KCND2: variants seen among roughly 807,000 people sequenced by gnomAD.
The protein encoded by KCND2 is A-type voltage-gated potassium channel KCND2.
In KCND2, 16 loss-of-function variants were observed where a neutral mutation model predicts 54.4. The ratio of observed to expected loss-of-function variants is 0.29; its 90% confidence interval spans 0.20 to 0.45. KCND2 has a LOEUF of 0.45. KCND2 is among the 20% of genes least tolerant of loss of function. KCND2 has a pLI of 1.00. For missense variants in KCND2, 486 were observed against 824.2 expected (o/e 0.59, Z 5.02); for synonymous variants, 317 against 310.7 (o/e 1.02, Z -0.21).
In KCND2 at chr7:120,275,080, G is replaced by A. The variant is rs2116243004; in HGVS notation, c.448G>A (p.Asp150Asn). The A allele has an allele frequency of 6.2e-7, 1 of 1,613,854 alleles. No homozygotes were observed. Among genetic ancestry groups the A allele is most frequent in the Non-Finnish European group, 8.5e-7 (1 of 1,179,984 alleles). ...GCGAGAGAACGCCGAGCGCCTGCAG[G>A]ACGACGCGGATACCGACACCGCTGG... is the stretch of plus-strand genomic sequence containing the variant. ...RRRENAERLQ[D>N]DADTDTAGES... The change falls in exon 1 of 6, where the codon GAC becomes AAC. Residue 150 changes from aspartate (D) to asparagine (N), a missense_variant. Asp to Asn is a conservative substitution (Grantham distance 23). Coordinates refer to ENST00000331113, the MANE Select transcript of KCND2 (RefSeq NM_012281.3).
chr7:120,722,946 A>C (rs1259000924), intron 1 of KCND2, among the ~76,000 whole-genome samples: 2 of 152,168 alleles, frequency 1.3e-5, no homozygotes, highest in Non-Finnish European at 2.9e-5. Context: ...GTTATAAGAA[A>C]ACAGGCTTAT....
intron 1 of KCND2, among the ~76,000 whole-genome samples, chr7:120,297,410 A>G (rs984135359): frequency 2.0e-5 from 3 of 152,108 alleles, no homozygotes; most frequent in African/African-American, 7.2e-5. Flanking sequence ...ATGGCTGAAT[A>G]GTATTTCATT....
At chr7:120,292,308 T>C (rs879540790) in intron 1 of KCND2, among the ~76,000 whole-genome samples, 1 of 151,936 alleles carries the variant, frequency 6.6e-6, no homozygotes, top group Non-Finnish European at 1.5e-5. Context: ...GCCCATGCTG[T>C]CTTTGTCCTA....
At chr7:120,347,936 G>T (rs1182637914) in intron 1 of KCND2, among the ~76,000 whole-genome samples, 1 of 152,136 alleles carries the variant, frequency 6.6e-6, no homozygotes, top group African/African-American at 2.4e-5. Flanking sequence ...GTTTCAGACT[G>T]CTTAAATCCT....
chr7:120,604,775 T>A (rs1225363910), intron 1 of KCND2, among the ~76,000 whole-genome samples: 2 of 151,846 alleles, frequency 1.3e-5, no homozygotes, highest in African/African-American at 2.4e-5. Context: ...ACAAGAAAAA[T>A]TTTTTTATGG....
At chr7:120,513,620 T>C (rs566978950) in intron 1 of KCND2, among the ~76,000 whole-genome samples, 27 of 152,216 alleles carry the variant, frequency 1.8e-4, no homozygotes, top group Middle Eastern at 3.4e-3. Context: ...TATATAAAGA[T>C]ATGAAAAAAC....
At chr7:120,362,373 G>A (rs117948597) in intron 1 of KCND2, among the ~76,000 whole-genome samples, 7 of 152,070 alleles carry the variant, frequency 4.6e-5, no homozygotes, top group Non-Finnish European at 8.8e-5. Context: ...ATAAGCCGTC[G>A]TATTCATCTT....
chr7:120,422,844 G>C (rs892739698), intron 1 of KCND2, among the ~76,000 whole-genome samples: 1 of 152,092 alleles, frequency 6.6e-6, no homozygotes, highest in African/African-American at 2.4e-5. Flanking sequence ...TTCTACTCCG[G>C]GAGTCAAGAT....
At chr7:120,682,145 T>G (rs562723760) in intron 1 of KCND2, among the ~76,000 whole-genome samples, 14 of 152,144 alleles carry the variant, frequency 9.2e-5, no homozygotes, top group Non-Finnish European at 2.9e-5. Flanking sequence ...AATAGTAAAC[T>G]TCCCTCATTT....
chr7:120,457,513 G>A (rs1264159439), intron 1 of KCND2, among the ~76,000 whole-genome samples: 2 of 152,178 alleles, frequency 1.3e-5, no homozygotes, highest in Non-Finnish European at 2.9e-5. Flanking sequence ...CTAAAGCACA[G>A]CAAGAGTGAC....
At chr7:120,473,528 A>G (rs767060241) in intron 1 of KCND2, among the ~76,000 whole-genome samples, 8 of 152,066 alleles carry the variant, frequency 5.3e-5, no homozygotes, top group Non-Finnish European at 8.8e-5. Context: ...ACCTAATACT[A>G]TCTCTTCCTC....
intron 1 of KCND2, among the ~76,000 whole-genome samples, chr7:120,318,404 T>C (rs1799845208): frequency 6.6e-6 from 1 of 152,122 alleles, no homozygotes; most frequent in Non-Finnish European, 1.5e-5. Context: ...TCTCATTGAT[T>C]CTATATGAAA....
At chr7:120,627,299 AT>A (rs2116509548) in intron 1 of KCND2, among the ~76,000 whole-genome samples, 1 of 152,290 alleles carries the variant, frequency 6.6e-6, no homozygotes, top group East Asian at 1.9e-4. Context: ...CAATATAATT[AT>A]TTTTAAAATG....
intron 1 of KCND2, among the ~76,000 whole-genome samples, chr7:120,570,939 A>G (rs983607657): frequency 6.6e-6 from 1 of 152,194 alleles, no homozygotes; most frequent in Non-Finnish European, 1.5e-5. Flanking sequence ...AAATGCTTGA[A>G]AAATAAAAGT....
chr7:120,718,099 AG>A (rs1188180112), intron 1 of KCND2, among the ~76,000 whole-genome samples: 1 of 152,146 alleles, frequency 6.6e-6, no homozygotes, highest in African/African-American at 2.4e-5. Context: ...AGGCAGTGAT[AG>A]GAAGGAGGCA....
chr7:120,396,560 A>T (rs1430726761), intron 1 of KCND2, among the ~76,000 whole-genome samples: 1 of 151,922 alleles, frequency 6.6e-6, no homozygotes, highest in African/African-American at 2.4e-5. Flanking sequence ...TTTTAATTGG[A>T]TACATTAATT....
intron 1 of KCND2, among the ~76,000 whole-genome samples, chr7:120,389,590 A>G (rs1801042979): frequency 6.6e-6 from 1 of 151,414 alleles, no homozygotes; most frequent in South Asian, 2.1e-4. Context: ...TATATATTTA[A>G]GGTTTTTGGT....
At chr7:120,588,402 AGTGTGTGT>A (rs3993713) in intron 1 of KCND2, among the ~76,000 whole-genome samples, 2,456 of 141,396 alleles carry the variant, frequency 0.017, 69 homozygotes, top group African/African-American at 0.058. Flanking sequence ...GCAACTGTGC[AGTGTGTGT>A]GTGTGTGTGT....
At chr7:120,734,489 A>G (rs1027383902) in intron 2 of KCND2, among the ~76,000 whole-genome samples, 1 of 152,150 alleles carries the variant, frequency 6.6e-6, no homozygotes, top group African/African-American at 2.4e-5. Flanking sequence ...GAGATCCACC[A>G]TTCCATCCAA....
Sources: allele counts gnomAD v4.1 joint callset (sites outside exome capture counted in the v4.1 genomes callset), GRCh38; gene constraint gnomAD v4.1.1; transcripts MANE v1.5; gene names NCBI Gene and HGNC (gene_info 2026-07-23, HGNC 2026-07-21).